NUP214: variants seen among roughly 807,000 people sequenced by gnomAD.
The protein encoded by NUP214 is nuclear pore complex protein Nup214.
Under a neutral mutation model 196.2 loss-of-function variants are expected in NUP214, and 79 were observed. The observed-to-expected ratio is 0.40, with a 90% CI of 0.34 to 0.49. NUP214 has a LOEUF of 0.49. Among genes scored for constraint, NUP214 ranks in the 20% least tolerant of loss-of-function variants. The pLI, the probability that NUP214 is intolerant of heterozygous loss-of-function variation, is 0.58. For missense variants in NUP214, 2,468 were observed against 2,539.0 expected, an observed-to-expected ratio of 0.97 and a Z score of 0.60; for synonymous variants, 1,020 against 990.5, an observed-to-expected ratio of 1.03 and a Z score of -0.56.
rs1834853170 is a variant in NUP214 at position 131,230,780 on chromosome 9, A to C, written c.6214+11A>C. On this transcript the variant is annotated intron_variant, in intron 34 of 35. Coordinates refer to ENST00000359428, the MANE Select transcript of NUP214 (RefSeq NM_005085.4). ...GATCAGGCACAGGAGGTAAGCTGCC[A>C]CAAGTTCTCCCCTCACAAGCAAAAT... The C allele has an allele frequency of 3.7e-6, 6 of 1,611,224 alleles. No homozygotes were observed. Among genetic ancestry groups the C allele is most frequent in the Non-Finnish European group, 5.1e-6 (6 of 1,179,130 alleles).
intron 17 of NUP214, among the ~76,000 whole-genome samples, chr9:131,157,594 A>G (rs1035518283): frequency 2.0e-5 from 3 of 150,844 alleles, no homozygotes; most frequent in Non-Finnish European, 4.4e-5. Context: ...CCACCTGAGT[A>G]GCTGGAATTA....
chr9:131,228,139 G>T, intron 32 of NUP214, 21 bp from the exon 33 acceptor site: 1 of 1,530,372 alleles, frequency 6.5e-7, no homozygotes, highest in Non-Finnish European at 8.8e-7. Context: ...ATTTCTGTTT[G>T]TTTGCCTCTG....
chr9:131,144,223 A>C (rs887579261), intron 11 of NUP214, 57 bp from the exon 12 acceptor site: 4 of 1,323,236 alleles, frequency 3.0e-6, no homozygotes, highest in Non-Finnish European at 4.2e-6. Context: ...GCTTTCTATT[A>C]TGTGAACCTC....
chr9:131,228,366 ACGCCAGCC>A, intron 33 of NUP214, 35 bp downstream of exon 33: 1 of 1,550,518 alleles, frequency 6.4e-7, no homozygotes. Context: ...GGGAACCCAC[ACGCCAGCC>A]AAAAAGCACT....
rs1345575923 is a variant in NUP214 at position 131,174,122 on chromosome 9, G to A, written c.2961G>A (p.Thr987=). The change falls in exon 22 of 36, where the codon ACG becomes ACA. Residue 987 remains threonine (T), a synonymous_variant. Coordinates refer to ENST00000359428, the MANE Select transcript of NUP214 (RefSeq NM_005085.4). ...AAGACTTGGATGAAGTCAGCTCAAC[G>A]TCATCTGTCTCCCAGTCTCTGGAGA... ...YYEDLDEVSS[T]SSVSQSLESE... 11 of 1,613,718 alleles carry A rather than the reference G, an allele frequency of 6.8e-6. No homozygotes were observed. The highest frequency in any genetic ancestry group is 3.3e-5 in the South Asian group (3 of 91,048).
chr9:131,232,415 T>A lies in NUP214; in HGVS notation c.6239+107T>A. 8.2e-7 allele frequency: 1 copy of A among 1,220,656 alleles called. No individual in the cohort carries two copies. Among genetic ancestry groups the A allele is most frequent in the East Asian group, 2.3e-5 (1 of 42,612 alleles). The allele number at this position is 1,220,656 out of a possible 1,614,324, so 75.6% of individuals were successfully genotyped here. On this transcript the variant is annotated intron_variant, in intron 35 of 35. Transcript: ENST00000359428. The surrounding 1 kb of genome is among the most constrained non-coding windows in gnomAD (Gnocchi z 5.1). ...GCATTTTCTTTTCGTTTTTTCCTGT[T>A]TTTAGAGTTTGTCCTGGAAGTGTGG...
At chr9:131,194,813 C>G (rs1163337554) in intron 27 of NUP214, among the ~76,000 whole-genome samples, 1 of 152,190 alleles carries the variant, frequency 6.6e-6, no homozygotes, top group Non-Finnish European at 1.5e-5. Flanking sequence ...CTGAGAGGCT[C>G]TCCCTAGTCT....
chr9:131,181,801 T>A (rs1487562686), intron 24 of NUP214, among the ~76,000 whole-genome samples: 1 of 152,240 alleles, frequency 6.6e-6, no homozygotes, highest in East Asian at 1.9e-4. Context: ...TGTTGTGTCC[T>A]TTGACACGAA....
At chr9:131,175,069 A>T (rs1833076620) in intron 22 of NUP214, among the ~76,000 whole-genome samples, 1 of 152,162 alleles carries the variant, frequency 6.6e-6, no homozygotes, top group African/African-American at 2.4e-5. Flanking sequence ...GTATTGGCTC[A>T]CTGTACTGAC....
intron 8 of NUP214, 142 bp downstream of exon 8, chr9:131,135,146 G>C: frequency 1.7e-6 from 1 of 602,912 alleles, no homozygotes; most frequent in Non-Finnish European, 2.9e-6. Flanking sequence ...CTGGAGTGCA[G>C]TGGCACGATT....
At chr9:131,161,853 C>T (rs1172652511) in intron 18 of NUP214, among the ~76,000 whole-genome samples, 1 of 152,170 alleles carries the variant, frequency 6.6e-6, no homozygotes, top group East Asian at 1.9e-4. Flanking sequence ...TATTACACAC[C>T]TAGGCGCTTA....
chr9:131,164,596 A>G (rs1832731904), intron 21 of NUP214: 1 of 155,568 alleles, frequency 6.4e-6, no homozygotes, highest in South Asian at 1.9e-4. Flanking sequence ...AGGTCTCCCC[A>G]TGTTGCCCAG....
At chr9:131,174,436 TTTTTTTTTTTCTTTTTTTC>T (rs1434505109) in intron 22 of NUP214, 118 bp downstream of exon 22, 40 of 827,052 alleles carry the variant, frequency 4.8e-5, no homozygotes, top group African/African-American at 3.9e-4. Context: ...AGCCCACTTT[TTTTTTTTTTTCTTTTTTTC>T]TTTTTTTTTT....
chr9:131,153,225 C>T (rs1418392088), intron 17 of NUP214: 2 of 152,146 alleles, frequency 1.3e-5, no homozygotes, highest in African/African-American at 4.8e-5. Flanking sequence ...ACTGGCATCT[C>T]TGGTCTTCCT....
At chr9:131,179,709 G>T (rs1197124094) in intron 24 of NUP214, among the ~76,000 whole-genome samples, 1 of 152,040 alleles carries the variant, frequency 6.6e-6, no homozygotes, top group Non-Finnish European at 1.5e-5. Context: ...TTTCCATGTT[G>T]TTCTGTTTAT....
At position 131,232,663 on chromosome 9, in the gene NUP214, G is replaced by T; in HGVS notation, c.6239+355G>T. 2.6e-6 allele frequency: 1 copy of T among 389,578 alleles called. No homozygotes were observed. The highest frequency in any genetic ancestry group is 4.8e-6 in the Non-Finnish European group (1 of 207,936). 24.1% of individuals were successfully genotyped at this position (389,578 alleles called of 1,614,324 possible). A position where few individuals can be genotyped will look rare whatever the true frequency, so the allele number is the denominator to read the frequency against. The stretch of plus-strand genomic sequence containing the variant: ...ACCCCTGGGCTCTGGGCCATCACCA[G>T]GTCTCATGTGTTGATCCACCCTCTG... On this transcript the variant is annotated intron_variant, in intron 35 of 35. Transcript: ENST00000359428. This position sits in a 1 kb window ranked among gnomAD's most constrained non-coding sequence, Gnocchi z 5.1.
intron 17 of NUP214, among the ~76,000 whole-genome samples, chr9:131,156,790 T>C (rs1167876519): frequency 6.6e-6 from 1 of 152,146 alleles, no homozygotes; most frequent in Non-Finnish European, 1.5e-5. Context: ...ACAGTTTGAC[T>C]TTCTCTTTAT....
intron 30 of NUP214, among the ~76,000 whole-genome samples, chr9:131,209,142 A>G (rs1834165923): frequency 6.6e-6 from 1 of 152,042 alleles, no homozygotes; most frequent in South Asian, 2.1e-4. Flanking sequence ...GGAGGCTGGG[A>G]TGGGCAGATT....
At chr9:131,188,578 G>T (rs1219313760) in intron 25 of NUP214, among the ~76,000 whole-genome samples, 1 of 152,218 alleles carries the variant, frequency 6.6e-6, no homozygotes, top group Non-Finnish European at 1.5e-5. Context: ...TCTTCTGGAG[G>T]TATTTGTGTT....
Sources: allele counts gnomAD v4.1 joint callset (sites outside exome capture counted in the v4.1 genomes callset), GRCh38; gene constraint gnomAD v4.1.1; non-coding constraint Gnocchi (gnomAD v3.1); transcripts MANE v1.5; gene names NCBI Gene and HGNC (gene_info 2026-07-23, HGNC 2026-07-21).